FER: variants seen among roughly 807,000 people sequenced by gnomAD.
FER encodes the protein FER tyrosine kinase.
Under a neutral mutation model 111.0 loss-of-function variants are expected in FER, and 63 were observed. The ratio of observed to expected loss-of-function variants is 0.57; its 90% CI spans 0.46 to 0.70. FER has a LOEUF of 0.70. Among genes scored for constraint, FER ranks in the 30% least tolerant of loss-of-function variants. The pLI, the probability that FER is intolerant of heterozygous loss-of-function variation, is 0.00. For synonymous variants in FER, 327 were observed against 313.9 expected (o/e 1.04, Z -0.44); for missense variants, 914 against 954.0 (o/e 0.96, Z 0.55).
At chr5:108,988,384 C>T (rs1762809215) in intron 13 of FER, among the ~76,000 whole-genome samples, 4 of 152,130 alleles carry the variant, frequency 2.6e-5, no homozygotes, top group South Asian at 2.1e-4. Flanking sequence ...CTTTGAATGT[C>T]TGATAGAATT....
At chr5:108,812,081 A>G (rs1757823489) in intron 3 of FER, among the ~76,000 whole-genome samples, 1 of 152,130 alleles carries the variant, frequency 6.6e-6, no homozygotes, top group Admixed American at 6.5e-5. Context: ...TTCTTTACTC[A>G]TGTTTGTCTA....
intron 17 of FER, among the ~76,000 whole-genome samples, chr5:109,126,800 T>C (rs530132189): frequency 2.4e-4 from 37 of 152,338 alleles, no homozygotes; most frequent in African/African-American, 8.7e-4. Flanking sequence ...ACACTAGCTT[T>C]GATAAATGCT....
chr5:109,132,965 C>T (rs755562618), intron 17 of FER, among the ~76,000 whole-genome samples: 1 of 152,128 alleles, frequency 6.6e-6, no homozygotes, highest in African/African-American at 2.4e-5. Context: ...TGGAGGGAAG[C>T]CTGTTGCTGC....
Position 109,193,014 on chromosome 5 carries a change from A to G in FER, c.*5439A>G, listed in dbSNP as rs989056263. ...ACCAATGTAAAATGACCCATAGCCA[A>G]CAATAAATGCAATAACAATAAAGGA... On this transcript the variant is annotated 3_prime_UTR_variant, in exon 20 of 20. Transcript: ENST00000281092. 6.6e-6 allele frequency: 1 copy of G among 152,204 alleles called. No individual in the cohort carries two copies. Among genetic ancestry groups the G allele is most frequent in the Non-Finnish European group, 1.5e-5 (1 of 68,040 alleles). 9.4% of individuals were successfully genotyped at this position (152,204 alleles called of 1,614,324 possible). A position where few individuals can be genotyped will look rare whatever the true frequency, so the allele number is the denominator to read the frequency against.
At chr5:108,931,429 C>T (rs558755051) in intron 10 of FER, among the ~76,000 whole-genome samples, 3 of 152,020 alleles carry the variant, frequency 2.0e-5, no homozygotes, top group Non-Finnish European at 4.4e-5. Flanking sequence ...AAATGTAGAT[C>T]CAAACTTTCC....
intron 13 of FER, among the ~76,000 whole-genome samples, chr5:108,998,695 T>C (rs1260944248): frequency 6.6e-6 from 1 of 151,816 alleles, no homozygotes; most frequent in East Asian, 1.9e-4. Flanking sequence ...GAAGGCCTTT[T>C]CTGGGTCTGT....
At chr5:108,800,326 C>G (rs564271185) in intron 3 of FER, among the ~76,000 whole-genome samples, 4 of 152,078 alleles carry the variant, frequency 2.6e-5, no homozygotes, top group South Asian at 2.1e-4. Context: ...TGAGAACTCA[C>G]AGAAAATCAA....
intron 17 of FER, among the ~76,000 whole-genome samples, chr5:109,140,413 GA>G (rs1048712455): frequency 9.2e-5 from 14 of 152,020 alleles, no homozygotes; most frequent in Non-Finnish European, 1.8e-4. Context: ...GCATTCCATG[GA>G]AAAAAAGTTT....
chr5:108,759,222 G>T (rs1751448885), intron 1 of FER, among the ~76,000 whole-genome samples: 1 of 152,210 alleles, frequency 6.6e-6, no homozygotes, highest in Non-Finnish European at 1.5e-5. Flanking sequence ...TCTGCCTGCT[G>T]TAAAGTCCTG....
At chr5:109,109,955 A>G (rs1159777090) in intron 17 of FER, among the ~76,000 whole-genome samples, 1 of 152,132 alleles carries the variant, frequency 6.6e-6, no homozygotes, top group Non-Finnish European at 1.5e-5. Context: ...ATAGGGCTAT[A>G]CTGGTTTTTG....
At chr5:108,875,124 C>G (rs1456186981) in intron 8 of FER, among the ~76,000 whole-genome samples, 2 of 152,106 alleles carry the variant, frequency 1.3e-5, no homozygotes, top group Non-Finnish European at 2.9e-5. Flanking sequence ...CCATATTTAT[C>G]AAGGTCTAAA....
intron 8 of FER, among the ~76,000 whole-genome samples, chr5:108,876,501 A>G (rs1222182640): frequency 6.6e-6 from 1 of 152,178 alleles, no homozygotes; most frequent in African/African-American, 2.4e-5. Flanking sequence ...GTGGCATCTT[A>G]TTTTTATTAT....
At chr5:109,042,936 A>C (rs1771387563) in intron 14 of FER, among the ~76,000 whole-genome samples, 1 of 152,226 alleles carries the variant, frequency 6.6e-6, no homozygotes, top group Non-Finnish European at 1.5e-5. Context: ...TGAGCAAAGC[A>C]GTAGTATAAT....
At chr5:109,000,789 C>T (rs1409151323) in intron 13 of FER, among the ~76,000 whole-genome samples, 1 of 151,912 alleles carries the variant, frequency 6.6e-6, no homozygotes, top group Non-Finnish European at 1.5e-5. Context: ...AGAGAGGAAT[C>T]AAATAGACAC....
rs555969480 is a variant in FER, at chr5:108,921,850, T to C, written c.1236+24002T>C. ...AAGTATAAAGAGAGTGCCCCAGCAA[T>C]TGATGATCACATCTGTTATGGTTTG... On this transcript the variant is annotated intron_variant, in intron 10 of 19. Transcript: ENST00000281092. Among the ~76,000 whole-genome samples, 13 of 152,296 alleles carry C rather than the reference T, an allele frequency of 8.5e-5. No individual in the cohort carries two copies. The East Asian group carries it at 2.3e-3, about 27-fold the overall frequency.
chr5:108,894,426 T>G, intron 9 of FER: 1 of 591,202 alleles, frequency 1.7e-6, no homozygotes, highest in Non-Finnish European at 2.6e-6. Context: ...CAACTGCATG[T>G]ATCGGACCAC....
At chr5:108,906,498 C>A (rs1468698409) in intron 10 of FER, among the ~76,000 whole-genome samples, 1 of 151,284 alleles carries the variant, frequency 6.6e-6, no homozygotes, top group Admixed American at 6.6e-5. Flanking sequence ...TTATGCATTA[C>A]CTTTATAATA....
At chr5:108,873,013 A>G (rs1232905488) in intron 8 of FER, among the ~76,000 whole-genome samples, 1 of 152,158 alleles carries the variant, frequency 6.6e-6, no homozygotes, top group Non-Finnish European at 1.5e-5. Context: ...AAATGTCCCC[A>G]CCTAATATAA....
intron 10 of FER, among the ~76,000 whole-genome samples, chr5:108,909,071 T>G (rs1427055046): frequency 1.3e-5 from 2 of 152,200 alleles, no homozygotes; most frequent in African/African-American, 4.8e-5. Context: ...ATGTTCTATC[T>G]GGCGGCTTAA....
Sources: gnomAD v4.1 joint callset for allele counts (sites outside exome capture counted in the v4.1 genomes callset) on GRCh38, gnomAD v4.1.1 for gene constraint, MANE v1.5 for transcripts, NCBI Gene and HGNC (gene_info 2026-07-23, HGNC 2026-07-21) for gene names.